The following EIF3E variants were observed in gnomAD, a reference collection of about 807,000 sequenced individuals.
The protein encoded by EIF3E is eIF-3 p48.
A neutral mutation model predicts 59.3 loss-of-function variants in EIF3E; 25 were observed. That is an observed-to-expected ratio of 0.42 (90% CI 0.31 to 0.59). The LOEUF (loss-of-function observed/expected upper bound fraction) is 0.59, where lower values mean the gene tolerates loss of function less well. EIF3E is among the 20% of genes least tolerant of loss of function. The pLI is 0.15. For synonymous variants in EIF3E, 176 were observed against 170.2 expected (o/e 1.03, Z -0.26); for missense variants, 317 against 534.3 (o/e 0.59, Z 4.01).
intron 7 of EIF3E, among the ~76,000 whole-genome samples, chr8:108,223,205 C>T (rs1815452546): frequency 6.6e-6 from 1 of 152,040 alleles, no homozygotes. Flanking sequence ...ACTGAAATGA[C>T]TTCACGAAGG....
intron 7 of EIF3E, among the ~76,000 whole-genome samples, chr8:108,222,828 GTTTT>G (rs11320166): frequency 1.9e-4 from 25 of 134,288 alleles, no homozygotes; most frequent in South Asian, 2.3e-4. Flanking sequence ...AATTTTCTTA[GTTTT>G]TTTTTTTTTT....
intron 2 of EIF3E, 67 bp from the exon 3 acceptor site, chr8:108,240,142 A>C: frequency 7.7e-7 from 1 of 1,298,054 alleles, no homozygotes; most frequent in Non-Finnish European, 1.1e-6. Flanking sequence ...CATCATGAGA[A>C]TGTCTGGAAA....
chr8:108,207,738 A>C (rs184559330), intron 10 of EIF3E, among the ~76,000 whole-genome samples: 108 of 152,340 alleles, frequency 7.1e-4, no homozygotes, highest in African/African-American at 2.5e-3. Context: ...ACACACACAC[A>C]AAACACAACA....
chr8:108,239,411 A>C (rs1403352745), intron 3 of EIF3E, among the ~76,000 whole-genome samples: 3 of 152,192 alleles, frequency 2.0e-5, no homozygotes, highest in Non-Finnish European at 4.4e-5. Flanking sequence ...CATGTTGCCC[A>C]GGCTGGTCTC....
chr8:108,210,911 A>G (rs1028980043), intron 10 of EIF3E, among the ~76,000 whole-genome samples: 81 of 152,170 alleles, frequency 5.3e-4, no homozygotes, highest in African/African-American at 1.6e-3. Context: ...CCATGTCCCT[A>G]CAAAGGACAT....
chr8:108,224,939 C>T (rs945702784), intron 7 of EIF3E, among the ~76,000 whole-genome samples: 3 of 151,514 alleles, frequency 2.0e-5, no homozygotes, highest in Admixed American at 1.3e-4. Flanking sequence ...CCTTGAATCA[C>T]GTAGCCCAAA....
intron 1 of EIF3E, among the ~76,000 whole-genome samples, chr8:108,245,893 T>G (rs189306092): frequency 1.3e-5 from 2 of 152,330 alleles, no homozygotes; most frequent in African/African-American, 4.8e-5. Flanking sequence ...TTTCTCTTGG[T>G]GCAATGTAAT....
chr8:108,215,437 T>C (rs1815283964), intron 9 of EIF3E, among the ~76,000 whole-genome samples: 1 of 151,928 alleles, frequency 6.6e-6, no homozygotes, highest in South Asian at 2.1e-4. Flanking sequence ...GCTAACATGG[T>C]GAAACCCTGT....
intron 4 of EIF3E, 115 bp from the exon 5 acceptor site, chr8:108,235,217 G>A: frequency 1.8e-6 from 1 of 551,788 alleles, no homozygotes; most frequent in Non-Finnish European, 3.0e-6. Flanking sequence ...AACTTCTAAT[G>A]TATATTTTAT....
At chr8:108,246,825 A>C (rs555833602) in intron 1 of EIF3E, among the ~76,000 whole-genome samples, 11 of 152,298 alleles carry the variant, frequency 7.2e-5, no homozygotes, top group African/African-American at 2.4e-4. Context: ...TCTTCCTTAT[A>C]ATTTAAGACC....
At position 108,217,981 on chromosome 8, in the gene EIF3E, T is replaced by C. The variant is rs570756460; in HGVS notation, c.723-521A>G. 2.6e-5 allele frequency among the ~76,000 whole-genome samples: 4 copies of C among 152,302 alleles called. No individual in the cohort carries two copies. In the South Asian group the frequency reaches 8.3e-4, roughly 32 times the overall value. ...GCAGTAGGAATTAGGAAGGAATAGA[T>C]GTCAGGTAAACATTAACAGGGTCTT... On this transcript the variant is annotated intron_variant, in intron 7 of 12. Coordinates refer to ENST00000220849, the MANE Select transcript of EIF3E (RefSeq NM_001568.3).
chr8:108,235,699 G>T (rs755911895), intron 4 of EIF3E, among the ~76,000 whole-genome samples: 10 of 152,170 alleles, frequency 6.6e-5, no homozygotes, highest in Admixed American at 6.5e-4. Context: ...TGAATCTGGG[G>T]ACTTATAAAG....
intron 7 of EIF3E, among the ~76,000 whole-genome samples, chr8:108,221,796 A>ACACACACG (rs1554599508): frequency 0.21 from 29,387 of 143,242 alleles, 2,874 homozygotes; most frequent in Middle Eastern, 0.24. Context: ...CTGCCAGACT[A>ACACACACG]CACACACACG....
chr8:108,208,724 T>C (rs902616176), intron 10 of EIF3E, among the ~76,000 whole-genome samples: 3 of 152,174 alleles, frequency 2.0e-5, no homozygotes, highest in African/African-American at 7.2e-5. Context: ...GTAACCCCCA[T>C]TGGGAAATTA....
At chr8:108,202,932 A>G (rs532586768) in intron 12 of EIF3E, 51 bp downstream of exon 12, 2 of 1,546,274 alleles carry the variant, frequency 1.3e-6, no homozygotes, top group Admixed American at 3.9e-5. Flanking sequence ...TTCATGTAAC[A>G]ATTACATGGT....
intron 1 of EIF3E, among the ~76,000 whole-genome samples, chr8:108,244,271 T>C (rs918166303): frequency 6.6e-6 from 1 of 152,212 alleles, no homozygotes; most frequent in African/African-American, 2.4e-5. Flanking sequence ...TTGCAAATGT[T>C]CCTCTGTTAC....
chr8:108,229,620 T>C (rs1004592440), intron 5 of EIF3E, among the ~76,000 whole-genome samples: 3 of 152,130 alleles, frequency 2.0e-5, no homozygotes, highest in African/African-American at 7.2e-5. Context: ...TGAGAAATTA[T>C]GTACAGAACC....
At chr8:108,210,815 C>A (rs1276399564) in intron 10 of EIF3E, among the ~76,000 whole-genome samples, 2 of 151,122 alleles carry the variant, frequency 1.3e-5, no homozygotes, top group Admixed American at 6.6e-5. Flanking sequence ...TCTCATTGTT[C>A]AATTCCCACC....
intron 10 of EIF3E, among the ~76,000 whole-genome samples, chr8:108,203,909 G>C (rs1815042635): frequency 6.6e-6 from 1 of 151,740 alleles, no homozygotes; most frequent in Non-Finnish European, 1.5e-5. Flanking sequence ...ACAAACCATA[G>C]ATAGAAAATA....
Sources: allele counts gnomAD v4.1 joint callset (sites outside exome capture counted in the v4.1 genomes callset), GRCh38; gene constraint gnomAD v4.1.1; transcripts MANE v1.5; gene names NCBI Gene and HGNC (gene_info 2026-07-23, HGNC 2026-07-21).